SYBU: variants seen among roughly 807,000 people sequenced by gnomAD.
SYBU encodes the protein GOLSYN A protein.
In SYBU, 21 loss-of-function variants were observed where a neutral mutation model predicts 35.9. The ratio of observed to expected loss-of-function variants is 0.58; its 90% CI spans 0.41 to 0.84. SYBU has a LOEUF of 0.84. Among genes scored for constraint, SYBU ranks in the 40% least tolerant of loss-of-function variants. The pLI is 0.00. For synonymous variants in SYBU, 319 were observed against 324.3 expected, an observed-to-expected ratio of 0.98 and a Z score of 0.18; for missense variants, 768 against 848.2, an observed-to-expected ratio of 0.91 and a Z score of 1.17.
intron 1 of SYBU, among the ~76,000 whole-genome samples, chr8:109,658,300 G>A (rs1816431512): frequency 6.6e-6 from 1 of 152,156 alleles, no homozygotes; most frequent in Admixed American, 6.5e-5. Context: ...AATATATAAA[G>A]GAGGGTTTTG....
At chr8:109,681,194 A>C (rs1424130906), upstream of SYBU, among the ~76,000 whole-genome samples, 1 of 152,256 alleles carries the variant, frequency 6.6e-6, no homozygotes, top group Non-Finnish European at 1.5e-5. Flanking sequence ...AAGGAAGTCA[A>C]GAGTGTGTGT....
chr8:109,587,899 A>C (rs780172816), intron 3 of SYBU, among the ~76,000 whole-genome samples: 4 of 152,182 alleles, frequency 2.6e-5, no homozygotes, highest in Non-Finnish European at 5.9e-5. Context: ...TGATGTAATG[A>C]GCTCCTAGAA....
Position 109,631,062 on chromosome 8 carries a change from G to A in SYBU, c.229+11666C>T, listed in dbSNP as rs1035081092. 5.3e-5 allele frequency among the ~76,000 whole-genome samples: 8 copies of A among 152,304 alleles called. No individual in the cohort carries two copies. In the East Asian group the frequency reaches 1.5e-3, roughly 29 times the overall value. ...GGCAGACAAGGGGAATATTAGATTT[G>A]CCAATGTGGTCACTCATGTGCTCGC... On this transcript the variant is annotated intron_variant, in intron 2 of 6. Transcript: ENST00000276646.
rs1817646897 is a variant in SYBU at position 109,691,564 on chromosome 8, C to T, written c.-289G>A. ...GCTCCGGTGCCCTCGGCCCCTCGGC[C>T]TCTGCAGCCAGCCGGGCGGCTGCTG... is the stretch of plus-strand genomic sequence containing the variant. On this transcript the variant is annotated 5_prime_UTR_variant, in exon 1 of 8. Coordinates refer to the SYBU transcript ENST00000422135. This position sits in a 1 kb window ranked among gnomAD's most constrained non-coding sequence, Gnocchi z 4.7. 2.2e-6 allele frequency: 1 copy of T among 445,258 alleles called. No homozygotes were observed. The highest frequency in any genetic ancestry group is 3.9e-6 in the Non-Finnish European group (1 of 255,068). 27.6% of individuals were successfully genotyped at this position (445,258 alleles called of 1,614,324 possible). A position where few individuals can be genotyped will look rare whatever the true frequency, so the allele number is the denominator to read the frequency against.
intron 3 of SYBU, among the ~76,000 whole-genome samples, chr8:109,592,382 T>G (rs1018253980): frequency 3.3e-5 from 5 of 152,144 alleles, no homozygotes; most frequent in African/African-American, 1.2e-4. Flanking sequence ...CATGGACGCC[T>G]CCAAAAAGTT....
At chr8:109,612,763 TGAGGTC>T (rs1811317624) in intron 3 of SYBU, among the ~76,000 whole-genome samples, 1 of 152,166 alleles carries the variant, frequency 6.6e-6, no homozygotes, top group Non-Finnish European at 1.5e-5. Flanking sequence ...GCAGATCACC[TGAGGTC>T]TGGAGTTTGA....
chr8:109,590,003 T>TAA (rs554749555), intron 3 of SYBU, among the ~76,000 whole-genome samples: 2,978 of 145,822 alleles, frequency 0.02, 97 homozygotes, highest in African/African-American at 0.071. Context: ...GGCAGTAAAT[T>TAA]AAAAAAAAAA....
At chr8:109,656,014 G>A (rs770728776) in intron 1 of SYBU, among the ~76,000 whole-genome samples, 7 of 152,256 alleles carry the variant, frequency 4.6e-5, no homozygotes, top group Non-Finnish European at 1.0e-4. Context: ...TACTCCGGAG[G>A]CTGAGGCAGG....
upstream of SYBU, chr8:109,645,431 C>A: frequency 2.3e-6 from 1 of 429,056 alleles, no homozygotes; most frequent in South Asian, 1.7e-5. Context: ...CTTGGAGAAG[C>A]CAGGCTGCTA....
At chr8:109,592,627 C>T (rs559373367) in intron 3 of SYBU, among the ~76,000 whole-genome samples, 13 of 152,212 alleles carry the variant, frequency 8.5e-5, no homozygotes, top group African/African-American at 2.9e-4. Context: ...TACAGGTGAC[C>T]CATCTGCTGA....
chr8:109,645,426 A>G (rs997614670), upstream of SYBU: 1 of 433,194 alleles, frequency 2.3e-6, no homozygotes, highest in African/African-American at 2.0e-5. Context: ...TCCGGCTTGG[A>G]GAAGCCAGGC....
At chr8:109,664,572 T>A (rs967668503) in intron 1 of SYBU, among the ~76,000 whole-genome samples, 12 of 152,144 alleles carry the variant, frequency 7.9e-5, no homozygotes, top group African/African-American at 2.2e-4. Context: ...GTCCCAGTGT[T>A]AGAAGAAACA....
In SYBU at chr8:109,574,971, G is replaced by C; in HGVS notation, c.1927C>G (p.Leu643Val). The C allele has an allele frequency of 6.5e-7, 1 of 1,528,180 alleles. No homozygotes were observed. The highest frequency in any genetic ancestry group is 8.8e-7 in the Non-Finnish European group (1 of 1,138,170). The allele number at this position is 1,528,180 out of a possible 1,614,324, so 94.7% of individuals were successfully genotyped here. The change falls in exon 7 of 7, where the codon CTC becomes GTC. Residue 643 changes from leucine (L) to valine (V), a missense_variant. Leu to Val is a conservative substitution (Grantham distance 32). Transcript: ENST00000276646. ...TDPVYNIGAL[L>V]RGCCVVALHS... ...AGGGCAACCACGCAACAGCCCCTGA[G>C]CAAGGCCCCGATGTTATACACAGGA...
rs1164241490 is a variant in SYBU, at chr8:109,599,814, A to G, written c.428-13652T>C. ...CCAAACTCTTTAGCACGATTTACAAACCCTCCATAATCTCTTCAGACTGTC... is the reference window on the plus strand; with the variant it reads ...CCAAACTCTTTAGCACGATTTACAAGCCCTCCATAATCTCTTCAGACTGTC... On this transcript the variant is annotated intron_variant, in intron 3 of 6. Coordinates refer to ENST00000276646, the MANE Select transcript of SYBU (RefSeq NM_001099754.2). Among the ~76,000 whole-genome samples, 3 of 152,104 alleles carry G rather than the reference A, an allele frequency of 2.0e-5. No individual in the cohort carries two copies. The East Asian group carries it at 5.8e-4, about 29-fold the overall frequency.
chr8:109,667,346 C>G (rs1451068475), intron 1 of SYBU, among the ~76,000 whole-genome samples: 1 of 151,998 alleles, frequency 6.6e-6, no homozygotes, highest in Non-Finnish European at 1.5e-5. Context: ...TCGATCTCCT[C>G]GTGATCCGCC....
At position 109,583,794 on chromosome 8, in the gene SYBU, G is replaced by C. The variant is rs766863357; in HGVS notation, c.530+2266C>G. On this transcript the variant is annotated intron_variant, in intron 4 of 6. Coordinates refer to ENST00000276646, the MANE Select transcript of SYBU (RefSeq NM_001099754.2). ...ATCTACTGATGGTACTCTGTGCCTG[G>C]GTGAGATTCTTTTATTTATTTATTT... Among the ~76,000 whole-genome samples the C allele has an allele frequency of 5.4e-4, 82 of 152,136 alleles. 1 individual carries two copies. Among genetic ancestry groups the C allele is most frequent in the Non-Finnish European group, 3.2e-4 (22 of 67,986 alleles).
At position 109,656,244 on chromosome 8, in the gene SYBU, A is replaced by G. The variant is rs75913062; in HGVS notation, c.-129+24467T>C. 6.9e-3 allele frequency among the ~76,000 whole-genome samples: 1,050 copies of G among 152,344 alleles called. 28 individuals carry two copies. In the East Asian group the frequency reaches 0.087, roughly 13 times the overall value. On this transcript the variant is annotated intron_variant, in intron 1 of 5. Transcript: ENST00000408889. ...TTTAAATATACTTTGAGAGTAGCCA[A>G]TTTCCTAATGCTTGAGACACTAAGT...
chr8:109,607,805 A>AC, intron 3 of SYBU: 1 of 332,270 alleles, frequency 3.0e-6, no homozygotes, highest in Non-Finnish European at 4.8e-6. Context: ...TACCACAACT[A>AC]ACTCACACAC....
At chr8:109,655,002 T>G (rs1311358032) in intron 1 of SYBU, among the ~76,000 whole-genome samples, 7 of 152,212 alleles carry the variant, frequency 4.6e-5, no homozygotes, top group Admixed American at 4.6e-4. Flanking sequence ...CTCTTTAAAG[T>G]GCAGATCTGA....
Sources: gnomAD v4.1 joint callset for allele counts (sites outside exome capture counted in the v4.1 genomes callset) on GRCh38, gnomAD v4.1.1 for gene constraint, Gnocchi (gnomAD v3.1) non-coding constraint, MANE v1.5 for transcripts, NCBI Gene and HGNC (gene_info 2026-07-23, HGNC 2026-07-21) for gene names.